MTMR3: variants seen among roughly 807,000 people sequenced by gnomAD.
MTMR3 encodes the protein phosphatidylinositol-3,5-bisphosphate 3-phosphatase MTMR3.
A neutral mutation model predicts 132.4 loss-of-function variants in MTMR3; 32 were observed. The ratio of observed to expected loss-of-function variants is 0.24; its 90% CI spans 0.18 to 0.32. The LOEUF is 0.32. MTMR3 is among the 10% of genes least tolerant of loss of function. MTMR3 has a pLI of 1.00. For missense variants in MTMR3, 1,216 were observed against 1,489.6 expected, an observed-to-expected ratio of 0.82 and a Z score of 3.02; for synonymous variants, 556 against 550.3, an observed-to-expected ratio of 1.01 and a Z score of -0.14.
intron 1 of MTMR3, among the ~76,000 whole-genome samples, chr22:29,952,458 C>A (rs927981277): frequency 1.3e-5 from 2 of 151,466 alleles, no homozygotes; most frequent in African/African-American, 4.8e-5. Context: ...TGAACCAGGA[C>A]AATGACAGAA....
chr22:29,977,089 G>C (rs1466375537), intron 3 of MTMR3, among the ~76,000 whole-genome samples: 1 of 152,084 alleles, frequency 6.6e-6, no homozygotes, highest in Non-Finnish European at 1.5e-5. Flanking sequence ...CCAGGAGTTT[G>C]AAACCAACCT....
rs1215687560 is a variant in MTMR3 at position 30,017,977 on chromosome 22, G to C, written c.1725G>C (p.Val575=). ...HVRNLMLWSA[V]YLPCPSPTTP... is the part of the protein sequence containing the mutation. Reference sequence around the variant, plus strand: ...GTAACCTGATGCTGTGGAGTGCAGTGTACCTGCCCTGCCCATCCCCAACCA... The same window carrying C: ...GTAACCTGATGCTGTGGAGTGCAGTCTACCTGCCCTGCCCATCCCCAACCA... The change falls in exon 16 of 20, where the codon GTG becomes GTC. Residue 575 remains valine (V), a synonymous_variant. Transcript: ENST00000401950. The C allele has an allele frequency of 6.2e-7, 1 of 1,613,822 alleles. No homozygotes were observed. Among genetic ancestry groups the C allele is most frequent in the East Asian group, 2.2e-5 (1 of 44,826 alleles).
At chr22:29,955,479 G>A (rs947449480) in intron 1 of MTMR3, among the ~76,000 whole-genome samples, 10 of 152,160 alleles carry the variant, frequency 6.6e-5, no homozygotes, top group South Asian at 2.1e-4. Context: ...ACTTAGTTAA[G>A]CAACTTAATA....
intron 1 of MTMR3, among the ~76,000 whole-genome samples, chr22:29,894,503 C>CGTGTGTGTGTGTGTGT (rs144670905): frequency 2.7e-5 from 4 of 147,176 alleles, no homozygotes; most frequent in African/African-American, 7.5e-5. Context: ...GTTCTGTATC[C>CGTGTGTGTGTGTGTGT]GTGTGTGTGT....
intron 8 of MTMR3, chr22:30,000,667 T>G (rs917432214): frequency 6.6e-6 from 1 of 151,912 alleles, no homozygotes; most frequent in African/African-American, 2.4e-5. Context: ...CTCCAGGGAG[T>G]TGAGAACCCA....
chr22:29,898,746 C>G (rs2145721512), intron 1 of MTMR3, among the ~76,000 whole-genome samples: 1 of 152,226 alleles, frequency 6.6e-6, no homozygotes, highest in African/African-American at 2.4e-5. Context: ...ATCCTCTCCT[C>G]TCTGTTAGTT....
chr22:29,988,671 T>C, intron 6 of MTMR3, 109 bp downstream of exon 6: 1 of 667,398 alleles, frequency 1.5e-6, no homozygotes, highest in Non-Finnish European at 2.4e-6. Context: ...ATTAGCCTCA[T>C]TAGGAATATT....
intron 19 of MTMR3, chr22:30,023,528 A>G: frequency 6.2e-7 from 1 of 1,608,414 alleles, no homozygotes; most frequent in Non-Finnish European, 8.5e-7. Flanking sequence ...CACATCTACA[A>G]TAACTTCTCC....
rs1602449995 is a variant in MTMR3, at chr22:29,908,956, T to C, written c.-138+25597T>C. ...AGTGCTTTTATTTATTTAAGAAATA[T>C]GTTAATTTTTCTTTTCTTTTCTTTT... On this transcript the variant is annotated intron_variant, in intron 1 of 19. Coordinates refer to ENST00000401950, the MANE Select transcript of MTMR3 (RefSeq NM_021090.4). 4.0e-5 allele frequency among the ~76,000 whole-genome samples: 6 copies of C among 149,172 alleles called. No individual in the cohort carries two copies. In the South Asian group the frequency reaches 6.3e-4, roughly 16 times the overall value.
Position 29,964,215 on chromosome 22 carries a change from C to T in MTMR3, c.-84-6761C>T, listed in dbSNP as rs567767310. ...ACTAACAGTAATGACTCAATTTCTT[C>T]CTTTTGTACTGTTGGTATAACTACC... On this transcript the variant is annotated intron_variant, in intron 2 of 19. Transcript: ENST00000401950. Among the ~76,000 whole-genome samples the T allele has an allele frequency of 2.6e-5, 4 of 152,294 alleles. No homozygotes were observed. The South Asian group carries it at 8.3e-4, about 32-fold the overall frequency.
chr22:30,021,963 C>A lies in MTMR3; in HGVS notation c.3226-66C>A, dbSNP rs1181399240. On this transcript the variant is annotated intron_variant, in intron 17 of 19. Coordinates refer to ENST00000401950, the MANE Select transcript of MTMR3 (RefSeq NM_021090.4). ...GAGTCCTCAGTTCTCCCTTCTTCAC[C>A]AGGCCTTTTCTTCTTTTGGGAGGAG... 2.3e-6 allele frequency: 3 copies of A among 1,308,902 alleles called. No homozygotes were observed. In the African/African-American group the frequency reaches 4.4e-5, roughly 19 times the overall value. 81.1% of individuals were successfully genotyped at this position (1,308,902 alleles called of 1,614,324 possible). A position where few individuals can be genotyped will look rare whatever the true frequency, so the allele number is the denominator to read the frequency against.
intron 1 of MTMR3, among the ~76,000 whole-genome samples, chr22:29,907,420 T>C (rs2065125046): frequency 6.9e-6 from 1 of 144,720 alleles, no homozygotes; most frequent in Non-Finnish European, 1.5e-5. Context: ...AATTACAAAC[T>C]TTTTTATTGA....
chr22:30,013,861 AC>A, intron 14 of MTMR3: 1 of 230,390 alleles, frequency 4.3e-6, no homozygotes, highest in Non-Finnish European at 8.6e-6. Context: ...TGTCTACCAG[AC>A]CCCCATGACT....
intron 6 of MTMR3, 107 bp downstream of exon 6, chr22:29,988,669 C>T (rs2066902883): frequency 1.5e-6 from 1 of 676,426 alleles, no homozygotes; most frequent in Non-Finnish European, 2.3e-6. Context: ...TGATTAGCCT[C>T]ATTAGGAATA....
At chr22:29,956,138 G>T (rs2066184989) in intron 1 of MTMR3, among the ~76,000 whole-genome samples, 1 of 152,220 alleles carries the variant, frequency 6.6e-6, no homozygotes, top group Non-Finnish European at 1.5e-5. Context: ...TCAAATGGAT[G>T]AGTCGTGTTT....
intron 1 of MTMR3, among the ~76,000 whole-genome samples, chr22:29,944,469 T>G (rs910165140): frequency 6.6e-6 from 1 of 152,130 alleles, no homozygotes. Flanking sequence ...CTTTTACTTT[T>G]GTCTTTTCTT....
At chr22:29,887,354 A>G (rs1293245425) in intron 1 of MTMR3, among the ~76,000 whole-genome samples, 1 of 152,232 alleles carries the variant, frequency 6.6e-6, no homozygotes, top group African/African-American at 2.4e-5. Flanking sequence ...ACTGTGGATC[A>G]AACAATAGTG....
chr22:29,912,473 G>A (rs551249780), intron 1 of MTMR3, among the ~76,000 whole-genome samples: 1 of 152,120 alleles, frequency 6.6e-6, no homozygotes, highest in African/African-American at 2.4e-5. Context: ...TAGTAGAGAT[G>A]GGTTCTCGCT....
intron 2 of MTMR3, among the ~76,000 whole-genome samples, chr22:29,962,293 AGT>A (rs1405493003): frequency 1.3e-5 from 2 of 152,216 alleles, no homozygotes; most frequent in African/African-American, 4.8e-5. Context: ...ACCCATTTAA[AGT>A]GTACAGTTCA....
Sources: gnomAD v4.1 joint callset for allele counts (sites outside exome capture counted in the v4.1 genomes callset) on GRCh38, gnomAD v4.1.1 for gene constraint, MANE v1.5 for transcripts, NCBI Gene and HGNC (gene_info 2026-07-23, HGNC 2026-07-21) for gene names.